The following ITPK1 variants were observed in gnomAD, a reference collection of about 807,000 sequenced individuals.
ITPK1 encodes the protein inositol 1,3,4-trisphosphate 5/6-kinase.
In ITPK1, 21 loss-of-function variants were observed where a neutral mutation model predicts 45.3. That is an observed-to-expected ratio of 0.46 (90% CI 0.33 to 0.67). The LOEUF (loss-of-function observed/expected upper bound fraction) is 0.67, where lower values mean the gene tolerates loss of function less well. ITPK1 is among the 30% of genes least tolerant of loss of function. ITPK1 has a pLI of 0.02. For synonymous variants in ITPK1, 258 were observed against 253.6 expected, an observed-to-expected ratio of 1.02 and a Z score of -0.16; for missense variants, 474 against 573.5, an observed-to-expected ratio of 0.83 and a Z score of 1.77.
chr14:93,109,630 T>A (rs776328782), intron 2 of ITPK1, among the ~76,000 whole-genome samples: 27 of 152,268 alleles, frequency 1.8e-4, no homozygotes, highest in Non-Finnish European at 3.5e-4. Context: ...AGCTTCCCCA[T>A]CCATAAAGTA....
At chr14:93,010,828 G>A (rs145194171) in intron 4 of ITPK1, among the ~76,000 whole-genome samples, 2 of 152,198 alleles carry the variant, frequency 1.3e-5, no homozygotes, top group East Asian at 1.9e-4. Flanking sequence ...CACAGTAAGC[G>A]TGGCTGACTG....
chr14:93,007,599 C>T (rs1399015349), intron 4 of ITPK1, among the ~76,000 whole-genome samples: 1 of 152,154 alleles, frequency 6.6e-6, no homozygotes, highest in African/African-American at 2.4e-5. Flanking sequence ...GCCAGAGGAC[C>T]CCTGGGCTCC....
intron 3 of ITPK1, among the ~76,000 whole-genome samples, chr14:93,033,878 C>T (rs1889186555): frequency 6.6e-6 from 1 of 151,974 alleles, no homozygotes; most frequent in Admixed American, 6.6e-5. Context: ...AGAGCTAGGG[C>T]AGGAATGATG....
intron 2 of ITPK1, among the ~76,000 whole-genome samples, chr14:93,099,506 G>T (rs966259861): frequency 2.6e-5 from 4 of 152,136 alleles, no homozygotes; most frequent in Admixed American, 1.3e-4. Flanking sequence ...ATTTCCCAAG[G>T]CCCGGAAAAA....
intron 9 of ITPK1, among the ~76,000 whole-genome samples, chr14:92,951,469 C>T (rs1437480905): frequency 1.3e-5 from 2 of 152,190 alleles, no homozygotes; most frequent in Admixed American, 1.3e-4. Flanking sequence ...CACAGCAACA[C>T]TCACTGAACG....
In ITPK1 at chr14:93,002,806, A is replaced by C. The variant is rs555622748; in HGVS notation, c.247-8809T>G. 2.4e-3 allele frequency among the ~76,000 whole-genome samples: 366 copies of C among 152,314 alleles called. 2 individuals are homozygous for C. The highest frequency in any genetic ancestry group is 8.2e-3 in the African/African-American group (340 of 41,586). ...GGGGAAAGGCAGTGGTAGCGAGGCC[A>C]AGGTCGCAAGGGAGAGTGGCAGAGC... On this transcript the variant is annotated intron_variant, in intron 4 of 10. Coordinates refer to ENST00000267615, the MANE Select transcript of ITPK1 (RefSeq NM_014216.6).
chr14:93,026,876 G>A (rs537370070), intron 3 of ITPK1, among the ~76,000 whole-genome samples: 2 of 152,236 alleles, frequency 1.3e-5, no homozygotes, highest in African/African-American at 2.4e-5. Context: ...GGGAAAAAAG[G>A]GTTACACAAA....
chr14:92,966,278 T>C (rs150985364), intron 5 of ITPK1, among the ~76,000 whole-genome samples: 124 of 152,254 alleles, frequency 8.1e-4, no homozygotes, highest in African/African-American at 2.8e-3. Context: ...AGGTGTGAGC[T>C]ACCATGCCTG....
intron 3 of ITPK1, among the ~76,000 whole-genome samples, chr14:93,017,919 G>A (rs1210846098): frequency 1.3e-5 from 2 of 152,260 alleles, no homozygotes; most frequent in African/African-American, 2.4e-5. Flanking sequence ...AATGAGAAAA[G>A]TGGAGGACGG....
chr14:92,962,857 A>G lies in ITPK1; in HGVS notation c.365-8T>C, dbSNP rs1381706932. 6.2e-7 allele frequency: 1 copy of G among 1,603,796 alleles called. No homozygotes were observed. The highest frequency in any genetic ancestry group is 1.7e-5 in the Admixed American group (1 of 59,736). ...GCGAGCAGATCCTGTCGTCTAGGGC[A>G]GAAGGGAGGCCTGGTCAGCACAGCT... is the stretch of plus-strand genomic sequence containing the variant. On this transcript the variant is annotated splice_region_variant and splice_polypyrimidine_tract_variant and intron_variant, in intron 5 of 10. Coordinates refer to ENST00000267615, the MANE Select transcript of ITPK1 (RefSeq NM_014216.6).
At chr14:93,079,495 C>T (rs763602171) in intron 2 of ITPK1, among the ~76,000 whole-genome samples, 5 of 152,188 alleles carry the variant, frequency 3.3e-5, no homozygotes, top group Non-Finnish European at 7.3e-5. Context: ...GTGTTCACCA[C>T]CAGGTGCACC....
intron 5 of ITPK1, among the ~76,000 whole-genome samples, chr14:92,979,926 G>A (rs764731100): frequency 3.4e-4 from 52 of 151,648 alleles, no homozygotes; most frequent in Non-Finnish European, 4.7e-4. Flanking sequence ...GATTACAGGC[G>A]CACATCACCA....
At chr14:93,077,350 C>A (rs1891267970) in intron 2 of ITPK1, among the ~76,000 whole-genome samples, 4 of 152,282 alleles carry the variant, frequency 2.6e-5, no homozygotes, top group South Asian at 4.1e-4. Context: ...CAGAGTCTCA[C>A]TCTGTTGCCT....
At chr14:93,017,063 A>G (rs1566736965) in intron 3 of ITPK1, among the ~76,000 whole-genome samples, 2 of 152,270 alleles carry the variant, frequency 1.3e-5, no homozygotes, top group Middle Eastern at 3.4e-3. Context: ...CCCAAGCCCC[A>G]TGCTACCCAG....
chr14:92,953,979 C>T (rs1050204222), intron 8 of ITPK1, among the ~76,000 whole-genome samples: 3 of 152,128 alleles, frequency 2.0e-5, no homozygotes, highest in East Asian at 1.9e-4. Flanking sequence ...CTGCAACCTC[C>T]GCCTCCTATG....
At chr14:93,088,341 GT>G (rs1179019290) in intron 2 of ITPK1, among the ~76,000 whole-genome samples, 298 of 132,682 alleles carry the variant, frequency 2.2e-3, no homozygotes, top group African/African-American at 5.1e-3. Context: ...GTTTTGTTTT[GT>G]TTTTTTTTTT....
chr14:92,996,740 T>C (rs2139815176), intron 4 of ITPK1, among the ~76,000 whole-genome samples: 1 of 152,266 alleles, frequency 6.6e-6, no homozygotes, highest in Middle Eastern at 3.4e-3. Flanking sequence ...GGTTATGAGC[T>C]AAAGGCACTT....
At chr14:92,980,862 C>G (rs1037769291) in intron 5 of ITPK1, among the ~76,000 whole-genome samples, 1 of 152,224 alleles carries the variant, frequency 6.6e-6, no homozygotes, top group Non-Finnish European at 1.5e-5. Flanking sequence ...CACGTGCCAC[C>G]ATGCCCAGCT....
chr14:92,988,947 G>A (rs1054238431), intron 5 of ITPK1, among the ~76,000 whole-genome samples: 1 of 152,168 alleles, frequency 6.6e-6, no homozygotes, highest in Non-Finnish European at 1.5e-5. Context: ...ACAATTGGCG[G>A]AGGGTTGGAG....
Sources: gnomAD v4.1 joint callset for allele counts (sites outside exome capture counted in the v4.1 genomes callset) on GRCh38, gnomAD v4.1.1 for gene constraint, MANE v1.5 for transcripts, NCBI Gene and HGNC (gene_info 2026-07-23, HGNC 2026-07-21) for gene names.